Variants in UBE2Q1 observed in about 807,000 individuals in gnomAD.
The protein encoded by UBE2Q1 is ubiquitin-conjugating enzyme E2 Q1.
Under a neutral mutation model 60.1 loss-of-function variants are expected in UBE2Q1, and 6 were observed. The observed-to-expected ratio is 0.10, with a 90% CI of 0.05 to 0.20. The LOEUF is 0.20. UBE2Q1 is among the 10% of genes least tolerant of loss of function. UBE2Q1 has a pLI of 1.00. For synonymous variants in UBE2Q1, 226 were observed against 208.3 expected, an observed-to-expected ratio of 1.09 and a Z score of -0.73; for missense variants, 262 against 525.8, an observed-to-expected ratio of 0.50 and a Z score of 4.91.
At chr1:154,551,574 T>C in intron 10 of UBE2Q1, 82 bp from the exon 11 acceptor site, 2 of 1,520,546 alleles carry the variant, frequency 1.3e-6, no homozygotes, top group African/African-American at 1.4e-5. Context: ...GGCAATCAGC[T>C]GTGTCTATAG....
chr1:154,555,330 T>C (rs1205260810), intron 3 of UBE2Q1, 98 bp downstream of exon 3: 1 of 1,015,518 alleles, frequency 9.8e-7, no homozygotes, highest in African/African-American at 1.6e-5. Flanking sequence ...TGGGAGCCGG[T>C]GGGGATGGAG....
chr1:154,556,754 C>A (rs914213845), intron 1 of UBE2Q1, among the ~76,000 whole-genome samples: 1 of 152,188 alleles, frequency 6.6e-6, no homozygotes, highest in Non-Finnish European at 1.5e-5. Flanking sequence ...TGGCTGAGGA[C>A]CCCCTAAATT....
chr1:154,552,062 A>T (rs1695798375), intron 8 of UBE2Q1, 31 bp downstream of exon 8: 1 of 1,613,994 alleles, frequency 6.2e-7, no homozygotes, highest in Non-Finnish European at 8.5e-7. Context: ...AGCCTAGGCC[A>T]GAGGGAGAGA....
At position 154,552,814 on chromosome 1, in the gene UBE2Q1, C is replaced by T. The variant is rs770403490; in HGVS notation, c.736G>A (p.Val246Met). 2 of 1,614,224 alleles carry T rather than the reference C, an allele frequency of 1.2e-6. No individual in the cohort carries two copies. The highest frequency in any genetic ancestry group is 1.7e-6 in the Non-Finnish European group (2 of 1,180,024). ...NQRQDYLNGA[V>M]SGSVQATDRL... The stretch of plus-strand genomic sequence containing the variant: ...TCAGTGGCCTGCACCGAGCCAGACA[C>T]TGCACCCTGTGAGGGACGGATGACA... The change falls in exon 6 of 13, where the codon GTG becomes ATG. Residue 246 changes from valine (V) to methionine (M), a missense_variant. By Grantham distance (21) the Val-to-Met change is conservative. Around this residue, in one of 5 missense-constraint regions of UBE2Q1, gnomAD observed 111 missense variants for 266.8 expected, o/e 0.42. Coordinates refer to ENST00000292211, the MANE Select transcript of UBE2Q1 (RefSeq NM_017582.7).
In UBE2Q1 at chr1:154,558,296, C is replaced by A; in HGVS notation, c.258G>T (p.Ala86=). 6.3e-7 allele frequency: 1 copy of A among 1,581,254 alleles called. No individual in the cohort carries two copies. Among genetic ancestry groups the A allele is most frequent in the Non-Finnish European group, 8.6e-7 (1 of 1,167,184 alleles). The part of the protein sequence containing the change: ...AGAGGAGAGA[A]PGPHLPPRGS... The stretch of plus-strand genomic sequence containing the variant: ...CCCGTGGGGGGAGATGCGGTCCGGG[C>A]GCGGCCCCCGCCCCGGCCCCTCCGG... The change falls in exon 1 of 13, where the codon GCG becomes GCT. Residue 86 remains alanine, a synonymous_variant. Transcript: ENST00000292211.
chr1:154,551,249 T>C (rs1695786608), intron 11 of UBE2Q1, 148 bp downstream of exon 11: 2 of 899,074 alleles, frequency 2.2e-6, no homozygotes, highest in South Asian at 1.6e-5. Flanking sequence ...AGTTGTTCCA[T>C]TGTGGGCACC....
In UBE2Q1 at chr1:154,550,412, G is replaced by A; in HGVS notation, c.*26C>T. The A allele has an allele frequency of 6.2e-7, 1 of 1,614,112 alleles. No homozygotes were observed. The highest frequency in any genetic ancestry group is 8.5e-7 in the Non-Finnish European group (1 of 1,179,960). On this transcript the variant is annotated 3_prime_UTR_variant, in exon 13 of 13. Transcript: ENST00000292211. ...GGTAATTGGTCCAGTGGTGCCTGGG[G>A]AGGGAGGAAGGGTGATACTCCAGGG...
At chr1:154,552,271 C>G (rs965429803) in intron 7 of UBE2Q1, 88 bp from the exon 8 acceptor site, 1 of 1,593,134 alleles carries the variant, frequency 6.3e-7, no homozygotes, top group Non-Finnish European at 8.6e-7. Flanking sequence ...CAGCAGACCA[C>G]GAAACCACTG....
intron 10 of UBE2Q1, 111 bp from the exon 11 acceptor site, chr1:154,551,603 C>A: frequency 6.9e-7 from 1 of 1,438,886 alleles, no homozygotes. Flanking sequence ...TTGCCCTTTG[C>A]CCCCAGCACT....
At chr1:154,553,374 A>C (rs1695825915) in intron 4 of UBE2Q1, among the ~76,000 whole-genome samples, 2 of 152,206 alleles carry the variant, frequency 1.3e-5, no homozygotes, top group Admixed American at 1.3e-4. Context: ...CTAAATCTTC[A>C]GCTCTCAAGC....
rs1234327368 is a variant in UBE2Q1 at position 154,550,246 on chromosome 1, T to G, written c.*192A>C. ...TGGTCTGTAAGTCAGTCTTGAGTAC[T>G]TGAAACAGTTCTGTGTTTGTTTTTT... On this transcript the variant is annotated 3_prime_UTR_variant, in exon 13 of 13. Transcript: ENST00000292211. 5.1e-6 allele frequency: 4 copies of G among 789,902 alleles called. No homozygotes were observed. Among genetic ancestry groups the G allele is most frequent in the Non-Finnish European group, 8.2e-6 (4 of 484,908 alleles). 48.9% of individuals were successfully genotyped at this position (789,902 alleles called of 1,614,324 possible).
chr1:154,554,613 ATC>A (rs1695850349), intron 4 of UBE2Q1, 120 bp downstream of exon 4: 1 of 1,032,936 alleles, frequency 9.7e-7, no homozygotes, highest in South Asian at 1.6e-5. Context: ...AGGTCAGTAA[ATC>A]TGTCTTTATT....
In UBE2Q1 at chr1:154,555,536, C is replaced by T. The variant is rs1165364637; in HGVS notation, c.433-4G>A. 6 of 1,612,426 alleles carry T rather than the reference C, an allele frequency of 3.7e-6. No individual in the cohort carries two copies. The highest frequency in any genetic ancestry group is 5.1e-6 in the Non-Finnish European group (6 of 1,178,640). On this transcript the variant is annotated splice_polypyrimidine_tract_variant and splice_region_variant and intron_variant, in intron 2 of 12. Transcript: ENST00000292211. The stretch of plus-strand genomic sequence containing the variant: ...TCCTCTTCAGATGCTGCAATAGCTA[C>T]AGGTAGGGGAGCACAGAGACATCAA...
At chr1:154,551,154 C>T (rs1695785071) in intron 11 of UBE2Q1, 150 bp from the exon 12 acceptor site, 3 of 963,252 alleles carry the variant, frequency 3.1e-6, no homozygotes, top group Non-Finnish European at 3.2e-6. Context: ...CTTCGAGGTC[C>T]CTTGGAGGCA....
At chr1:154,550,784 C>T in intron 12 of UBE2Q1, 154 bp downstream of exon 12, 1 of 985,366 alleles carries the variant, frequency 1.0e-6, no homozygotes, top group Non-Finnish European at 1.2e-6. Context: ...ATGTTAGCCA[C>T]CGCCAGTCCC....
rs760815859 is a variant in UBE2Q1, at chr1:154,555,621, C to T, written c.433-89G>A. 23 of 1,266,674 alleles carry T rather than the reference C, an allele frequency of 1.8e-5. 1 individual carries two copies. The South Asian group carries it at 2.7e-4, about 15-fold the overall frequency. The allele number at this position is 1,266,674 out of a possible 1,614,324, so 78.5% of individuals were successfully genotyped here. A position where few individuals can be genotyped will look rare whatever the true frequency, so the allele number is the denominator to read the frequency against. On this transcript the variant is annotated intron_variant, in intron 2 of 12. Coordinates refer to ENST00000292211, the MANE Select transcript of UBE2Q1 (RefSeq NM_017582.7). Reference sequence around the variant, plus strand: ...ATGAGCTCTTAGTTTGGGCCCCACACCAATAACTAGTTCTCTAAGCCTTAT... The same window carrying T: ...ATGAGCTCTTAGTTTGGGCCCCACATCAATAACTAGTTCTCTAAGCCTTAT...
Position 154,558,554 on chromosome 1 carries a change from C to CCTCCG in UBE2Q1, c.-6_-2dup, listed in dbSNP as rs569049313. The stretch of plus-strand genomic sequence containing the variant: ...GCCCCTGCGGCTGCGGCTGCTGCAT[C>CCTCCG]CTCCGCTCCGCTCCGCTCCGGGGCC... On this transcript the variant is annotated 5_prime_UTR_variant, in exon 1 of 13. Coordinates refer to ENST00000292211, the MANE Select transcript of UBE2Q1 (RefSeq NM_017582.7). The CCTCCG allele has an allele frequency of 1.1e-3, 1,216 of 1,059,200 alleles. 8 individuals carry two copies. The African/African-American group carries it at 0.015, about 13-fold the overall frequency. 65.6% of individuals were successfully genotyped at this position (1,059,200 alleles called of 1,614,324 possible).
At chr1:154,553,968 G>A (rs1353259877) in intron 4 of UBE2Q1, among the ~76,000 whole-genome samples, 1 of 152,186 alleles carries the variant, frequency 6.6e-6, no homozygotes, top group Non-Finnish European at 1.5e-5. Flanking sequence ...TTAATCTAAT[G>A]CTAGGAAATA....
chr1:154,550,509 G>C, intron 12 of UBE2Q1, 40 bp from the exon 13 acceptor site: 1 of 1,613,204 alleles, frequency 6.2e-7, no homozygotes, highest in South Asian at 1.1e-5. Flanking sequence ...GAAGGTTCAG[G>C]CCCACCCTCC....
Sources: gnomAD v4.1 joint callset for allele counts (sites outside exome capture counted in the v4.1 genomes callset) on GRCh38, gnomAD v4.1.1 for gene constraint, gnomAD v4.1.1 regional missense constraint, MANE v1.5 for transcripts, NCBI Gene and HGNC (gene_info 2026-07-23, HGNC 2026-07-21) for gene names.